TACR3: variants seen among roughly 807,000 people sequenced by gnomAD.
TACR3 encodes the protein tachykinin receptor 3, also known as neuromedin-K receptor.
A neutral mutation model predicts 35.0 loss-of-function variants in TACR3; 34 were observed. The observed-to-expected ratio is 0.97, with a 90% CI of 0.74 to 1.30. The LOEUF (loss-of-function observed/expected upper bound fraction) is 1.30, where lower values mean the gene tolerates loss of function less well. Ranked by LOEUF, TACR3 falls within the 50% of genes most tolerant of loss-of-function variation. TACR3 has a pLI of 0.00. For synonymous variants in TACR3, 233 were observed against 221.1 expected (o/e 1.05, Z -0.48); for missense variants, 558 against 591.7 (o/e 0.94, Z 0.59).
chr4:103,681,889 T>A (rs1006685394), intron 1 of TACR3, among the ~76,000 whole-genome samples: 1 of 151,708 alleles, frequency 6.6e-6, no homozygotes, highest in African/African-American at 2.4e-5. Context: ...GTGCAAAAAA[T>A]TAAAACAAAT....
At chr4:103,599,054 A>T (rs966218998) in intron 3 of TACR3, among the ~76,000 whole-genome samples, 7 of 152,102 alleles carry the variant, frequency 4.6e-5, no homozygotes, top group Non-Finnish European at 1.0e-4. Flanking sequence ...CAGTATGGCC[A>T]TTTTCACAAT....
At chr4:103,616,350 A>T (rs1036584552) in intron 3 of TACR3, among the ~76,000 whole-genome samples, 3 of 152,126 alleles carry the variant, frequency 2.0e-5, no homozygotes, top group Non-Finnish European at 4.4e-5. Context: ...GAGCATATAC[A>T]TAAATAACAT....
At chr4:103,685,025 A>T (rs1400320452) in intron 1 of TACR3, among the ~76,000 whole-genome samples, 1 of 148,148 alleles carries the variant, frequency 6.8e-6, no homozygotes. Context: ...ATAAATAAAT[A>T]AATAAAATGT....
At chr4:103,591,199 T>C (rs1055181480) in intron 4 of TACR3, 2 of 448,678 alleles carry the variant, frequency 4.5e-6, no homozygotes, top group Non-Finnish European at 8.1e-6. Context: ...CTTCTTTTTC[T>C]TTGGCAGGTA....
chr4:103,719,782 T>C lies in TACR3; in HGVS notation c.-107A>G, dbSNP rs1723174973. 4 of 1,412,328 alleles carry C rather than the reference T, an allele frequency of 2.8e-6. No individual in the cohort carries two copies. 87.5% of individuals were successfully genotyped at this position (1,412,328 alleles called of 1,614,324 possible). ...TCCTGGTCACTTTGGTGCCGGAGTCTTCAGATAAGACTGGAAGCTGAAAGA... is the reference window on the plus strand; with the variant it reads ...TCCTGGTCACTTTGGTGCCGGAGTCCTCAGATAAGACTGGAAGCTGAAAGA... On this transcript the variant is annotated 5_prime_UTR_variant, in exon 1 of 5. Coordinates refer to ENST00000304883, the MANE Select transcript of TACR3 (RefSeq NM_001059.3).
At chr4:103,662,814 C>A (rs1725859785) in intron 1 of TACR3, among the ~76,000 whole-genome samples, 1 of 152,128 alleles carries the variant, frequency 6.6e-6, no homozygotes, top group East Asian at 1.9e-4. Flanking sequence ...TAGGTTAAGA[C>A]AAGGAAAGAG....
At chr4:103,703,882 C>T (rs55714006) in intron 1 of TACR3, among the ~76,000 whole-genome samples, 24,259 of 151,456 alleles carry the variant, frequency 0.16, 2,542 homozygotes, top group East Asian at 0.43. Flanking sequence ...GGGCGGATCA[C>T]GAGGTCAGGA....
intron 3 of TACR3, among the ~76,000 whole-genome samples, chr4:103,651,476 C>G (rs1725616564): frequency 6.6e-6 from 1 of 151,568 alleles, no homozygotes. Context: ...TGGGATTCAC[C>G]CTTCAGGGCA....
intron 1 of TACR3, among the ~76,000 whole-genome samples, chr4:103,685,377 T>C (rs1578256846): frequency 6.6e-6 from 1 of 152,070 alleles, no homozygotes; most frequent in East Asian, 1.9e-4. Flanking sequence ...GTATCATACA[T>C]CTAAAAGTAA....
intron 3 of TACR3, among the ~76,000 whole-genome samples, chr4:103,627,708 C>T (rs61322849): frequency 4.6e-5 from 7 of 151,048 alleles, no homozygotes; most frequent in African/African-American, 1.7e-4. Context: ...AACTTTAACA[C>T]CCCACTGTCA....
chr4:103,594,743 TG>T (rs1299273096), intron 3 of TACR3, among the ~76,000 whole-genome samples: 1 of 152,138 alleles, frequency 6.6e-6, no homozygotes, highest in East Asian at 1.9e-4. Context: ...ATGTGGAAAA[TG>T]GAACAGAGAC....
At chr4:103,599,708 A>G (rs1480156770) in intron 3 of TACR3, among the ~76,000 whole-genome samples, 1 of 152,090 alleles carries the variant, frequency 6.6e-6, no homozygotes, top group African/African-American at 2.4e-5. Flanking sequence ...ATCTATTGAG[A>G]TAGTCATGTG....
chr4:103,630,293 A>C (rs930712769), intron 3 of TACR3, among the ~76,000 whole-genome samples: 1 of 152,134 alleles, frequency 6.6e-6, no homozygotes, highest in Admixed American at 6.6e-5. Flanking sequence ...GACTTCATGA[A>C]TAAAACACCA....
In TACR3 at chr4:103,597,051, G is replaced by T. The variant is rs184526550; in HGVS notation, c.889-5368C>A. 1.2e-3 allele frequency among the ~76,000 whole-genome samples: 176 copies of T among 152,088 alleles called. 2 individuals are homozygous for T. Among genetic ancestry groups the T allele is most frequent in the African/African-American group, 4.0e-3 (164 of 41,468 alleles). ...AGTCTTTGCTATTGTGAATAGTGCC[G>T]CAATAAACACATGTGTGCATGCGTC... On this transcript the variant is annotated intron_variant, in intron 3 of 4. Transcript: ENST00000304883.
intron 1 of TACR3, among the ~76,000 whole-genome samples, chr4:103,680,398 T>C (rs2110208513): frequency 6.6e-6 from 1 of 150,968 alleles, no homozygotes; most frequent in East Asian, 1.9e-4. Flanking sequence ...TCAAACAACA[T>C]GTATTATAAT....
chr4:103,636,499 C>G (rs1362564077), intron 3 of TACR3, among the ~76,000 whole-genome samples: 1 of 151,946 alleles, frequency 6.6e-6, no homozygotes, highest in Non-Finnish European at 1.5e-5. Flanking sequence ...AGCCTTTTAT[C>G]TCATAATACG....
At chr4:103,684,779 G>T (rs935234744) in intron 1 of TACR3, among the ~76,000 whole-genome samples, 2 of 151,786 alleles carry the variant, frequency 1.3e-5, no homozygotes, top group African/African-American at 4.8e-5. Context: ...GAGGTGGGAG[G>T]GTCACTTGAG....
intron 1 of TACR3, among the ~76,000 whole-genome samples, chr4:103,690,546 T>C (rs1234271873): frequency 6.6e-6 from 1 of 152,110 alleles, no homozygotes; most frequent in East Asian, 1.9e-4. Context: ...AGAATAGTTA[T>C]AGACGTCAAT....
intron 1 of TACR3, among the ~76,000 whole-genome samples, chr4:103,661,720 T>A (rs1164699902): frequency 6.6e-6 from 1 of 152,170 alleles, no homozygotes; most frequent in East Asian, 1.9e-4. Context: ...AAATATCATT[T>A]TACTTGAATT....
Sources: allele counts gnomAD v4.1 joint callset (sites outside exome capture counted in the v4.1 genomes callset), GRCh38; gene constraint gnomAD v4.1.1; transcripts MANE v1.5; gene names NCBI Gene and HGNC (gene_info 2026-07-23, HGNC 2026-07-21).